Variants in SFSWAP observed in about 807,000 individuals in gnomAD.
SFSWAP encodes the protein splicing factor, suppressor of white-apricot homolog.
A neutral mutation model predicts 100.7 loss-of-function variants in SFSWAP; 17 were observed. The ratio of observed to expected loss-of-function variants is 0.17; its 90% CI spans 0.12 to 0.25. The LOEUF (loss-of-function observed/expected upper bound fraction) is 0.25, where lower values mean the gene tolerates loss of function less well. SFSWAP is among the 10% of genes least tolerant of loss of function. The probability of loss-of-function intolerance (pLI) is 1.00; values close to 1 mark genes in which losing one functional copy is unlikely to be tolerated. For missense variants in SFSWAP, 1,005 were observed against 1,262.6 expected, an observed-to-expected ratio of 0.80 and a Z score of 3.09; for synonymous variants, 504 against 510.1, an observed-to-expected ratio of 0.99 and a Z score of 0.16.
rs1277199800 is a variant in SFSWAP, at chr12:131,736,191, G to A, written c.1081+7763G>A. The stretch of plus-strand genomic sequence containing the variant: ...AGATCCAAATAAAAATAAGGACGGA[G>A]AAAAGGAAACACCAAGCTAACAGGA... On this transcript the variant is annotated intron_variant, in intron 7 of 17. Transcript: ENST00000261674. Among the ~76,000 whole-genome samples, 5 of 152,114 alleles carry A rather than the reference G, an allele frequency of 3.3e-5. 1 individual carries two copies. In the South Asian group the frequency reaches 6.2e-4, roughly 19 times the overall value.
Position 131,711,359 on chromosome 12 carries a change from C to T in SFSWAP, c.130C>T (p.Leu44=), listed in dbSNP as rs1877313205. 6.2e-7 allele frequency: 1 copy of T among 1,614,030 alleles called. No individual in the cohort carries two copies. The highest frequency in any genetic ancestry group is 8.5e-7 in the Non-Finnish European group (1 of 1,180,038). ...CTTGGTTTTCGGCTATGCCTGCAAGCTGTTCCGGGACGACGAGCGGGCCCT... is the reference window on the plus strand; with the variant it reads ...CTTGGTTTTCGGCTATGCCTGCAAGTTGTTCCGGGACGACGAGCGGGCCCT... ...ELLVFGYACK[L]FRDDERALAQ... is the part of the protein sequence containing the mutation. The change falls in exon 1 of 18, where the codon CTG becomes TTG. Residue 44 remains leucine, a synonymous_variant. Coordinates refer to ENST00000261674, the MANE Select transcript of SFSWAP (RefSeq NM_004592.4). This position sits in a 1 kb window ranked among gnomAD's most constrained non-coding sequence, Gnocchi z 4.9.
At chr12:131,771,226 T>C (rs761661208) in intron 13 of SFSWAP, among the ~76,000 whole-genome samples, 9 of 152,206 alleles carry the variant, frequency 5.9e-5, no homozygotes, top group Non-Finnish European at 1.2e-4. Flanking sequence ...TATCAATGCT[T>C]ACAGTAGTGT....
At chr12:131,798,252 C>T (rs1885816498) in intron 16 of SFSWAP, among the ~76,000 whole-genome samples, 1 of 152,066 alleles carries the variant, frequency 6.6e-6, no homozygotes, top group Admixed American at 6.6e-5. Flanking sequence ...TGCTGTGAGC[C>T]ATGACGGCAC....
intron 13 of SFSWAP, among the ~76,000 whole-genome samples, chr12:131,770,629 T>TA (rs398021690): frequency 6.6e-6 from 1 of 151,818 alleles, no homozygotes; most frequent in African/African-American, 2.4e-5. Flanking sequence ...TGTATTTTTT[T>TA]AATTCCTGTG....
intron 10 of SFSWAP, 67 bp from the exon 11 acceptor site, chr12:131,756,406 A>C (rs1475659813): frequency 1.3e-5 from 19 of 1,433,838 alleles, no homozygotes; most frequent in Middle Eastern, 1.8e-4. Flanking sequence ...TACCGTATAC[A>C]TCTCTCTTTT....
chr12:131,753,552 CT>C (rs769855576), intron 8 of SFSWAP, 189 bp downstream of exon 8: 5 of 766,570 alleles, frequency 6.5e-6, no homozygotes, highest in Non-Finnish European at 8.0e-6. Context: ...GTAGCACAAA[CT>C]TTTTAGCATT....
rs1884173342 is a variant in SFSWAP, at chr12:131,778,159, A to G, written c.2237A>G (p.Lys746Arg). The change falls in exon 14 of 18, where the codon AAA (lysine) becomes AGA (arginine). Residue 746 changes from lysine to arginine, a missense_variant. This residue lies in a region of SFSWAP where 295 missense variants were observed against 347.9 expected (regional missense o/e 0.85). Transcript: ENST00000261674. This position sits in a 1 kb window ranked among gnomAD's most constrained non-coding sequence, Gnocchi z 4.2. ...CCCGATAGGCCTTCGAGCAAAAGCA[A>G]AGATCCACCGAGAGAAGAAGAGAAA... ...KPPDRPSSKS[K>R]DPPREEEKEK... 5 of 1,613,348 alleles carry G rather than the reference A, an allele frequency of 3.1e-6. No homozygotes were observed. The East Asian group carries it at 8.9e-5, about 29-fold the overall frequency.
At chr12:131,790,275 C>A (rs1024549364) in intron 15 of SFSWAP, among the ~76,000 whole-genome samples, 1 of 152,158 alleles carries the variant, frequency 6.6e-6, no homozygotes, top group African/African-American at 2.4e-5. Flanking sequence ...TCTTTTGACA[C>A]CTCCCATAGT....
chr12:131,755,774 A>G (rs1882098670), intron 10 of SFSWAP, among the ~76,000 whole-genome samples: 1 of 152,224 alleles, frequency 6.6e-6, no homozygotes, highest in Non-Finnish European at 1.5e-5. Context: ...GTCTACAGTT[A>G]CTAGCTACCT....
chr12:131,763,845 G>C (rs555564781), intron 11 of SFSWAP, among the ~76,000 whole-genome samples: 1 of 150,972 alleles, frequency 6.6e-6, no homozygotes, highest in Admixed American at 6.6e-5. Flanking sequence ...AGAAAAATGA[G>C]GCCGGGCACA....
intron 13 of SFSWAP, among the ~76,000 whole-genome samples, chr12:131,769,114 G>A (rs996539426): frequency 8.5e-5 from 10 of 117,522 alleles, no homozygotes; most frequent in African/African-American, 1.7e-4. Flanking sequence ...GCGACAGAGC[G>A]AGACTCCTTC....
intron 16 of SFSWAP, among the ~76,000 whole-genome samples, chr12:131,797,973 G>A (rs1885801216): frequency 6.6e-6 from 1 of 152,236 alleles, no homozygotes; most frequent in Non-Finnish European, 1.5e-5. Flanking sequence ...ACGCGCAACT[G>A]TTCCATTCTA....
At chr12:131,771,591 C>T (rs1025803659) in intron 13 of SFSWAP, among the ~76,000 whole-genome samples, 3 of 151,614 alleles carry the variant, frequency 2.0e-5, no homozygotes, top group Non-Finnish European at 4.4e-5. Context: ...GGGAAAGCAG[C>T]ATCTGCTTTA....
At chr12:131,742,784 T>C (rs1880772394) in intron 7 of SFSWAP, among the ~76,000 whole-genome samples, 1 of 152,184 alleles carries the variant, frequency 6.6e-6, no homozygotes, top group Non-Finnish European at 1.5e-5. Context: ...TGTTGTGATA[T>C]GGATAGCCTC....
chr12:131,754,533 G>A (rs1180407102), intron 9 of SFSWAP, 34 bp downstream of exon 9: 1 of 1,421,034 alleles, frequency 7.0e-7, no homozygotes, highest in Non-Finnish European at 9.3e-7. Flanking sequence ...TAGGTATATG[G>A]CATTTGGGGG....
In SFSWAP at chr12:131,768,378, G is replaced by A. The variant is rs1224331820; in HGVS notation, c.2142+2070G>A. Among the ~76,000 whole-genome samples the A allele has an allele frequency of 2.0e-4, 30 of 152,238 alleles. 1 individual carries two copies. The highest frequency in any genetic ancestry group is 1.8e-3 in the Admixed American group (28 of 15,294). ...CTGATTTTCTGCTTGAAGTCACTTC[G>A]CTTATTTTTCTGTGGAAAACAACAT... On this transcript the variant is annotated intron_variant, in intron 13 of 17. Transcript: ENST00000261674.
intron 8 of SFSWAP, 63 bp from the exon 9 acceptor site, chr12:131,754,305 C>T (rs1047650440): frequency 1.5e-6 from 2 of 1,366,014 alleles, no homozygotes; most frequent in Admixed American, 5.5e-5. Flanking sequence ...GACCCCCGAG[C>T]AGCCAGGACT....
chr12:131,798,541 G>A (rs1885840455), intron 16 of SFSWAP, among the ~76,000 whole-genome samples: 1 of 152,138 alleles, frequency 6.6e-6, no homozygotes, highest in Non-Finnish European at 1.5e-5. Flanking sequence ...ATTGCAATTT[G>A]TAAACATTTC....
At position 131,771,762 on chromosome 12, in the gene SFSWAP, A is replaced by G. The variant is rs191769706; in HGVS notation, c.2142+5454A>G. Among the ~76,000 whole-genome samples, 77 of 149,494 alleles carry G rather than the reference A, an allele frequency of 5.2e-4. 2 individuals are homozygous for G. The highest frequency in any genetic ancestry group is 1.8e-3 in the African/African-American group (74 of 40,312). On this transcript the variant is annotated intron_variant, in intron 13 of 17. Transcript: ENST00000261674. ...ACTGCAACCTCTGCCTCCCGGGTTC[A>G]AGTGATTCTCCTGCCTCAGCCTCCC...
Sources: gnomAD v4.1 joint callset for allele counts (sites outside exome capture counted in the v4.1 genomes callset) on GRCh38, gnomAD v4.1.1 for gene constraint, gnomAD v4.1.1 regional missense constraint, Gnocchi (gnomAD v3.1) non-coding constraint, MANE v1.5 for transcripts, NCBI Gene and HGNC (gene_info 2026-07-23, HGNC 2026-07-21) for gene names.